Variants in SLC9A2 observed in about 807,000 individuals in gnomAD.
SLC9A2 encodes sodium/hydrogen exchanger 2.
Under a neutral mutation model 71.7 loss-of-function variants are expected in SLC9A2, and 42 were observed. That is an observed-to-expected ratio of 0.59 (90% confidence interval 0.46 to 0.76). The LOEUF (loss-of-function observed/expected upper bound fraction) is 0.76, where lower values mean the gene tolerates loss of function less well. Among genes scored for constraint, SLC9A2 ranks in the 30% least tolerant of loss-of-function variants. SLC9A2 has a pLI of 0.00. For missense variants in SLC9A2, 829 were observed against 1,017.4 expected, an observed-to-expected ratio of 0.81 and a Z score of 2.52; for synonymous variants, 396 against 392.5, an observed-to-expected ratio of 1.01 and a Z score of -0.10.
chr2:102,641,604 T>C (rs1676582832), intron 1 of SLC9A2, among the ~76,000 whole-genome samples: 1 of 151,932 alleles, frequency 6.6e-6, no homozygotes, highest in Non-Finnish European at 1.5e-5. Flanking sequence ...GACCCTGCCA[T>C]GTAATTGTGT....
At chr2:102,641,931 C>G (rs10173337) in intron 1 of SLC9A2, among the ~76,000 whole-genome samples, 78,182 of 147,124 alleles carry the variant, frequency 0.53, 22,863 homozygotes, top group African/African-American at 0.77. Flanking sequence ...ATAGCATTAG[C>G]AGAAATACCT....
chr2:102,708,142 G>C lies in SLC9A2; in HGVS notation c.2092G>C (p.Ala698Pro), dbSNP rs1404308527. The change falls in exon 12 of 12, where the codon GCA (alanine) becomes CCA (proline). Residue 698 changes from alanine (A) to proline (P), a missense_variant. Coordinates refer to ENST00000233969, the MANE Select transcript of SLC9A2 (RefSeq NM_003048.6). ...IADGNSSDSD[A>P]DAGTTVLNLQ... is the part of the protein sequence containing the mutation. ...AGATGGCAATAGCAGCGACTCAGAC[G>C]CAGATGCCGGGACCACCGTGCTCAA... 5 of 1,613,116 alleles carry C rather than the reference G, an allele frequency of 3.1e-6. No homozygotes were observed. The highest frequency in any genetic ancestry group is 1.7e-5 in the Admixed American group (1 of 59,876).
intron 1 of SLC9A2, among the ~76,000 whole-genome samples, chr2:102,627,130 T>TAACAAC (rs112963978): frequency 0.024 from 3,000 of 124,098 alleles, 99 homozygotes; most frequent in African/African-American, 0.076. Context: ...TTCAAAATGT[T>TAACAAC]AACAACAACA....
intron 2 of SLC9A2, among the ~76,000 whole-genome samples, chr2:102,661,688 C>T (rs1163416086): frequency 1.3e-5 from 2 of 152,050 alleles, no homozygotes; most frequent in East Asian, 3.8e-4. Flanking sequence ...TATCATTAAG[C>T]AGTATAGCTT....
chr2:102,624,381 T>C (rs1676204308), intron 1 of SLC9A2, among the ~76,000 whole-genome samples: 1 of 152,176 alleles, frequency 6.6e-6, no homozygotes, highest in South Asian at 2.1e-4. Flanking sequence ...AAATCTTGTA[T>C]AGAGAGATGG....
At chr2:102,674,037 C>G (rs1677304379) in intron 3 of SLC9A2, among the ~76,000 whole-genome samples, 1 of 152,150 alleles carries the variant, frequency 6.6e-6, no homozygotes. Flanking sequence ...GATCCACCTG[C>G]CCTGGCTTCC....
At chr2:102,640,917 T>C (rs1238413168) in intron 1 of SLC9A2, among the ~76,000 whole-genome samples, 1 of 152,196 alleles carries the variant, frequency 6.6e-6, no homozygotes, top group Non-Finnish European at 1.5e-5. Flanking sequence ...CTGAAAGTCT[T>C]GTAAGCTCTT....
chr2:102,664,200 C>T (rs1014816992), intron 2 of SLC9A2, among the ~76,000 whole-genome samples: 4 of 150,252 alleles, frequency 2.7e-5, no homozygotes, highest in Admixed American at 6.7e-5. Flanking sequence ...GGCTTGAACC[C>T]GGGAGGCAGA....
At chr2:102,686,107 A>C (rs567963926) in intron 5 of SLC9A2, among the ~76,000 whole-genome samples, 62 of 152,338 alleles carry the variant, frequency 4.1e-4, no homozygotes, top group Non-Finnish European at 8.1e-4. Flanking sequence ...TTAGTCACAG[A>C]ATGCTTTCTA....
intron 1 of SLC9A2, among the ~76,000 whole-genome samples, chr2:102,655,606 G>A (rs527243552): frequency 1.3e-5 from 2 of 152,288 alleles, no homozygotes; most frequent in African/African-American, 4.8e-5. Context: ...GAATTTTTCA[G>A]CTCCATGATA....
chr2:102,644,051 T>C (rs1296386744), intron 1 of SLC9A2, among the ~76,000 whole-genome samples: 1 of 152,112 alleles, frequency 6.6e-6, no homozygotes, highest in Non-Finnish European at 1.5e-5. Context: ...TACTTTCTGT[T>C]GAAGATGGCC....
At chr2:102,683,595 C>T (rs2104539798) in intron 4 of SLC9A2, 117 bp downstream of exon 4, 1 of 783,806 alleles carries the variant, frequency 1.3e-6, no homozygotes, top group South Asian at 1.8e-5. Context: ...TTAATTTCTT[C>T]TTCTTTCTTA....
chr2:102,690,873 A>G (rs146380419), intron 5 of SLC9A2, among the ~76,000 whole-genome samples: 26 of 152,058 alleles, frequency 1.7e-4, no homozygotes, highest in African/African-American at 5.1e-4. Context: ...TTACCTGATA[A>G]TCAGCAAGGA....
intron 3 of SLC9A2, among the ~76,000 whole-genome samples, chr2:102,680,570 A>G (rs1287083691): frequency 6.6e-6 from 1 of 152,068 alleles, no homozygotes; most frequent in African/African-American, 2.4e-5. Context: ...AACTGCATGC[A>G]AGCAGCAGAG....
intron 3 of SLC9A2, among the ~76,000 whole-genome samples, chr2:102,669,407 C>T (rs781471365): frequency 5.3e-5 from 8 of 152,128 alleles, no homozygotes; most frequent in Non-Finnish European, 7.3e-5. Flanking sequence ...CATTTCTATA[C>T]TGGAATAAAT....
chr2:102,624,125 A>T (rs1283014059), intron 1 of SLC9A2, among the ~76,000 whole-genome samples: 1 of 152,172 alleles, frequency 6.6e-6, no homozygotes, highest in African/African-American at 2.4e-5. Context: ...GATGATAATG[A>T]TGGTGATGAT....
intron 1 of SLC9A2, among the ~76,000 whole-genome samples, chr2:102,643,185 G>C (rs986870947): frequency 6.6e-6 from 1 of 152,146 alleles, no homozygotes; most frequent in South Asian, 2.1e-4. Context: ...TGTTCTCTGC[G>C]TTCTTTACGT....
chr2:102,657,540 G>T, intron 1 of SLC9A2, 24 bp from the exon 2 acceptor site: 1 of 1,525,706 alleles, frequency 6.6e-7, no homozygotes, highest in Non-Finnish European at 8.9e-7. Context: ...CCCAAGTTGT[G>T]TGTTTTTATT....
intron 8 of SLC9A2, among the ~76,000 whole-genome samples, chr2:102,701,903 G>A (rs1677880712): frequency 6.6e-6 from 1 of 152,066 alleles, no homozygotes; most frequent in African/African-American, 2.4e-5. Flanking sequence ...TCTGATATTG[G>A]GTTTATAAAT....
Sources: gnomAD v4.1 joint callset for allele counts (sites outside exome capture counted in the v4.1 genomes callset) on GRCh38, gnomAD v4.1.1 for gene constraint, MANE v1.5 for transcripts, NCBI Gene and HGNC (gene_info 2026-07-23, HGNC 2026-07-21) for gene names.